Variants in MSI2 observed in about 807,000 individuals in gnomAD.
MSI2 encodes RNA-binding protein Musashi homolog 2.
Under a neutral mutation model 45.6 loss-of-function variants are expected in MSI2, and 17 were observed. The observed-to-expected ratio is 0.37, with a 90% CI of 0.26 to 0.56. The LOEUF (loss-of-function observed/expected upper bound fraction) is 0.56. Among genes scored for constraint, MSI2 ranks in the 20% least tolerant of loss-of-function variants. The pLI, the probability that MSI2 is intolerant of heterozygous loss-of-function variation, is 0.77. For missense variants in MSI2, 293 were observed against 444.2 expected, an observed-to-expected ratio of 0.66 and a Z score of 3.06; for synonymous variants, 156 against 158.2, an observed-to-expected ratio of 0.99 and a Z score of 0.11.
At chr17:57,556,669 G>A (rs2087443249) in intron 7 of MSI2, among the ~76,000 whole-genome samples, 1 of 152,152 alleles carries the variant, frequency 6.6e-6, no homozygotes, top group South Asian at 2.1e-4. Flanking sequence ...AGTTTATGAG[G>A]CCCTCACTAC....
intron 7 of MSI2, among the ~76,000 whole-genome samples, chr17:57,563,747 C>T: frequency 2.2e-5 from 1 of 45,346 alleles, no homozygotes; most frequent in Admixed American, 1.7e-4. Context: ...CACAGGCGCG[C>T]ACACACACAC....
At chr17:57,667,385 G>A (rs1473634808) in intron 11 of MSI2, among the ~76,000 whole-genome samples, 1 of 152,128 alleles carries the variant, frequency 6.6e-6, no homozygotes, top group Non-Finnish European at 1.5e-5. Context: ...TCAGGGTAAG[G>A]TGTTGTTGAA....
rs1555571703 is a variant in MSI2 at position 57,280,029 on chromosome 17, AAC to A, written c.312+17839_312+17840del. 2 of 151,992 alleles carry A rather than the reference AAC, an allele frequency of 1.3e-5. No homozygotes were observed. Among genetic ancestry groups the A allele is most frequent in the Non-Finnish European group, 2.9e-5 (2 of 67,954 alleles). The allele number at this position is 151,992 out of a possible 1,614,324, so 9.4% of individuals were successfully genotyped here. On this transcript the variant is annotated intron_variant, in intron 5 of 13. Coordinates refer to ENST00000284073, the MANE Select transcript of MSI2 (RefSeq NM_138962.4). This position sits in a 1 kb window ranked among gnomAD's most constrained non-coding sequence, Gnocchi z 4.2. ...AAAGGGATCATAACAAAAAAAAAAA[AAC>A]AGTGTCCTTTGGGTTTTGGGAAGGC...
At chr17:57,383,670 A>G (rs551888770) in intron 5 of MSI2, among the ~76,000 whole-genome samples, 1 of 152,224 alleles carries the variant, frequency 6.6e-6, no homozygotes, top group Non-Finnish European at 1.5e-5. Context: ...AAAAAAAATA[A>G]AATAATAAAA....
chr17:57,440,227 G>A (rs1202563941), intron 6 of MSI2, among the ~76,000 whole-genome samples: 1 of 152,164 alleles, frequency 6.6e-6, no homozygotes, highest in African/African-American at 2.4e-5. Context: ...GAAGTGAACT[G>A]GGTGGCCAGC....
intron 7 of MSI2, among the ~76,000 whole-genome samples, chr17:57,540,293 A>C (rs1005875497): frequency 6.6e-6 from 1 of 152,338 alleles, no homozygotes; most frequent in Non-Finnish European, 1.5e-5. Context: ...TACTAAGAAT[A>C]CTGTGACTGT....
downstream of MSI2, among the ~76,000 whole-genome samples, chr17:57,686,717 CTT>C (rs1199463755): frequency 1.3e-5 from 2 of 152,166 alleles, no homozygotes; most frequent in Non-Finnish European, 2.9e-5. Context: ...GCAGTAAACT[CTT>C]ATGTCCCAAT....
At chr17:57,303,877 A>G (rs1269432851) in intron 5 of MSI2, among the ~76,000 whole-genome samples, 1 of 152,224 alleles carries the variant, frequency 6.6e-6, no homozygotes, top group Non-Finnish European at 1.5e-5. Flanking sequence ...AGTAGAAAAC[A>G]GTACAGGCTC....
chr17:57,383,427 C>T (rs1329889442), intron 5 of MSI2, among the ~76,000 whole-genome samples: 9 of 152,136 alleles, frequency 5.9e-5, no homozygotes, highest in African/African-American at 1.9e-4. Context: ...GAGGCCAAGG[C>T]GGGTGGATCA....
intron 6 of MSI2, among the ~76,000 whole-genome samples, chr17:57,410,568 G>T (rs887701226): frequency 2.7e-5 from 4 of 145,518 alleles, no homozygotes; most frequent in African/African-American, 7.6e-5. Context: ...TGTAGTTAAA[G>T]AGCAAAATAA....
intron 6 of MSI2, among the ~76,000 whole-genome samples, chr17:57,405,242 T>C (rs2084061688): frequency 6.6e-6 from 1 of 152,216 alleles, no homozygotes. Flanking sequence ...TTTGCAGCTT[T>C]GCAATCCATG....
In MSI2 at chr17:57,683,129, G is replaced by A. The variant is rs1477242307; in HGVS notation, c.*3612G>A. 8.7e-6 allele frequency: 2 copies of A among 229,528 alleles called. No homozygotes were observed. Among genetic ancestry groups the A allele is most frequent in the Non-Finnish European group, 1.7e-5 (2 of 115,812 alleles). 14.2% of individuals were successfully genotyped at this position (229,528 alleles called of 1,614,324 possible). ...ATAACCTTCATCTTAATTTGAACTT[G>A]TAGCTTGGACTTTAAGGTAGCATGG... On this transcript the variant is annotated 3_prime_UTR_variant, in exon 14 of 14. Transcript: ENST00000284073. The surrounding 1 kb of genome is among the most constrained non-coding windows in gnomAD (Gnocchi z 5.2).
intron 5 of MSI2, among the ~76,000 whole-genome samples, chr17:57,311,818 G>A (rs1354658573): frequency 6.6e-6 from 1 of 152,156 alleles, no homozygotes; most frequent in Non-Finnish European, 1.5e-5. Context: ...AGCCTCCCAA[G>A]TAGCTGGGAC....
chr17:57,501,297 C>T (rs1259125155), intron 6 of MSI2, among the ~76,000 whole-genome samples: 2 of 152,230 alleles, frequency 1.3e-5, no homozygotes, highest in Non-Finnish European at 2.9e-5. Context: ...GGAGTGTTTG[C>T]TGTGTTGAGT....
At chr17:57,530,161 G>A (rs879870891) in intron 7 of MSI2, among the ~76,000 whole-genome samples, 13 of 152,170 alleles carry the variant, frequency 8.5e-5, no homozygotes, top group Admixed American at 2.6e-4. Context: ...TTGTAGGTTC[G>A]TTGGGTGTGT....
Position 57,260,493 on chromosome 17 carries a change from G to A in MSI2, c.271-1658G>A, listed in dbSNP as rs978631400. Among the ~76,000 whole-genome samples the A allele has an allele frequency of 1.4e-4, 22 of 151,928 alleles. 1 individual carries two copies. Among genetic ancestry groups the A allele is most frequent in the African/African-American group, 4.6e-4 (19 of 41,356 alleles). ...TGATTTCTGATTGCAATTGTGTGCC[G>A]GCCAACTAAAAAAAACACCCTCTGG... On this transcript the variant is annotated intron_variant, in intron 4 of 13. Coordinates refer to ENST00000284073, the MANE Select transcript of MSI2 (RefSeq NM_138962.4).
intron 11 of MSI2, among the ~76,000 whole-genome samples, chr17:57,653,001 C>T (rs1911287900): frequency 2.6e-5 from 4 of 152,010 alleles, no homozygotes; most frequent in Admixed American, 2.6e-4. Flanking sequence ...ACTGAGTGGT[C>T]ATGGTTTGCA....
intron 7 of MSI2, among the ~76,000 whole-genome samples, chr17:57,579,929 TACA>T (rs1028593274): frequency 1.3e-5 from 2 of 152,188 alleles, no homozygotes; most frequent in African/African-American, 4.8e-5. Flanking sequence ...TCCTTCCACT[TACA>T]ACCTTTTCTA....
chr17:57,669,719 C>T (rs981685010), intron 11 of MSI2, among the ~76,000 whole-genome samples: 3 of 152,242 alleles, frequency 2.0e-5, no homozygotes, highest in Non-Finnish European at 4.4e-5. Flanking sequence ...TCTCAGTCCT[C>T]CGTCCTTTCG....
Sources: allele counts gnomAD v4.1 joint callset (sites outside exome capture counted in the v4.1 genomes callset), GRCh38; gene constraint gnomAD v4.1.1; non-coding constraint Gnocchi (gnomAD v3.1); transcripts MANE v1.5; gene names NCBI Gene and HGNC (gene_info 2026-07-23, HGNC 2026-07-21).